GGPS1: variants seen among roughly 807,000 people sequenced by gnomAD.
GGPS1 encodes geranylgeranyl pyrophosphate synthase.
Under a neutral mutation model 28.1 loss-of-function variants are expected in GGPS1, and 15 were observed. The observed-to-expected ratio is 0.53, with a 90% CI of 0.36 to 0.82. The LOEUF (loss-of-function observed/expected upper bound fraction) is 0.82, where lower values mean the gene tolerates loss of function less well. GGPS1 is among the 40% of genes least tolerant of loss of function. The probability of loss-of-function intolerance (pLI) is 0.01; values close to 1 mark genes in which losing one functional copy is unlikely to be tolerated. For missense variants in GGPS1, 284 were observed against 348.3 expected (o/e 0.82, Z 1.47); for synonymous variants, 138 against 122.4 (o/e 1.13, Z -0.84).
Position 235,342,462 on chromosome 1 carries a change from A to T in GGPS1, c.593A>T (p.Tyr198Phe). Residue 198 changes from tyrosine (Y) to phenylalanine (F), a missense_variant, in exon 4 of 4, where the codon TAT becomes TTT. Transcript: ENST00000282841. ...DDYANLHSKE[Y>F]SENKSFCEDL... is the part of the protein sequence containing the mutation. ...TATGCTAATCTACACTCCAAAGAAT[A>T]TAGTGAAAACAAAAGTTTTTGTGAA... is the stretch of plus-strand genomic sequence containing the variant. The T allele has an allele frequency of 6.2e-7, 1 of 1,612,860 alleles. No individual in the cohort carries two copies. Among genetic ancestry groups the T allele is most frequent in the South Asian group, 1.1e-5 (1 of 91,044 alleles).
At chr1:235,341,034 T>C (rs1298693243) in intron 2 of GGPS1, among the ~76,000 whole-genome samples, 1 of 152,068 alleles carries the variant, frequency 6.6e-6, no homozygotes, top group African/African-American at 2.4e-5. Context: ...TAACTGACAC[T>C]AAACTAGCTT....
intron 2 of GGPS1, among the ~76,000 whole-genome samples, chr1:235,336,010 T>G (rs1675852667): frequency 6.6e-6 from 1 of 152,252 alleles, no homozygotes; most frequent in African/African-American, 2.4e-5. Context: ...TATAGCCCAC[T>G]TTATTCCTGT....
In GGPS1 at chr1:235,342,596, A is replaced by G. The variant is rs147435439; in HGVS notation, c.727A>G (p.Ile243Val). The G allele has an allele frequency of 1.9e-5, 31 of 1,611,384 alleles. No individual in the cohort carries two copies. In the Admixed American group the frequency reaches 2.2e-4, roughly 11 times the overall value. ...ILRQRTENIDIKKYCVHYLED... is the reference protein window; with the variant it reads ...ILRQRTENIDVKKYCVHYLED... ...GCGCCAGAGAACAGAAAACATAGAT[A>G]TAAAAAAATACTGTGTACATTATCT... The change falls in exon 4 of 4, where the codon ATA (isoleucine) becomes GTA (valine). Residue 243 changes from isoleucine to valine, a missense_variant. Physicochemically the swap from Ile to Val is conservative, Grantham distance 29 (BLOSUM62 3). Transcript: ENST00000282841.
chr1:235,341,907 ATTAG>A (rs1178238940), intron 3 of GGPS1, 100 bp from the exon 4 acceptor site: 1 of 878,352 alleles, frequency 1.1e-6, no homozygotes, highest in Non-Finnish European at 1.8e-6. Flanking sequence ...CTAAATATTT[ATTAG>A]TTGTGAAAAT....
upstream of GGPS1, chr1:235,327,390 G>C (rs942716643): frequency 4.6e-5 from 7 of 152,330 alleles, no homozygotes; most frequent in African/African-American, 1.7e-4. Flanking sequence ...AGGGCCTGTG[G>C]GCCGCGGGCA....
intron 2 of GGPS1, among the ~76,000 whole-genome samples, chr1:235,338,073 C>T (rs913413088): frequency 5.3e-5 from 8 of 151,974 alleles, no homozygotes; most frequent in African/African-American, 1.9e-4. Context: ...TGATTAGCCT[C>T]AGTACTAGAA....
chr1:235,332,048 T>A (rs1236856023), intron 1 of GGPS1, among the ~76,000 whole-genome samples: 1 of 152,196 alleles, frequency 6.6e-6, no homozygotes, highest in Non-Finnish European at 1.5e-5. Flanking sequence ...TAATTAGATT[T>A]TGGTTTGGAG....
intron 2 of GGPS1, among the ~76,000 whole-genome samples, chr1:235,337,812 G>A: frequency 6.8e-6 from 1 of 146,698 alleles, no homozygotes. Context: ...GTGAGACACT[G>A]TCTCAAAAAA....
Position 235,342,781 on chromosome 1 carries a change from C to A in GGPS1, c.*9C>A. ...AAGAAGAAAATGAATAATGTTAAGCCATTCTTGATTGGACCTCATAGCTTA... is the reference window on the plus strand; with the variant it reads ...AAGAAGAAAATGAATAATGTTAAGCAATTCTTGATTGGACCTCATAGCTTA... On this transcript the variant is annotated 3_prime_UTR_variant, in exon 4 of 4. Transcript: ENST00000282841. 6.5e-7 allele frequency: 1 copy of A among 1,534,920 alleles called. No homozygotes were observed. The highest frequency in any genetic ancestry group is 8.8e-7 in the Non-Finnish European group (1 of 1,134,612).
chr1:235,342,361 G>T lies in GGPS1; in HGVS notation c.492G>T (p.Gln164His), dbSNP rs1676075351. 1.9e-6 allele frequency: 3 copies of T among 1,614,070 alleles called. No homozygotes were observed. The highest frequency in any genetic ancestry group is 2.5e-6 in the Non-Finnish European group (3 of 1,179,898). ...TTGGATTAGCAGTAGGTCTCATGCAGTTGTTCTCTGATTACAAAGAAGATT... is the reference window on the plus strand; with the variant it reads ...TTGGATTAGCAGTAGGTCTCATGCATTTGTTCTCTGATTACAAAGAAGATT... ...GLFGLAVGLM[Q>H]LFSDYKEDLK... Residue 164 changes from glutamine to histidine, a missense_variant, in exon 4 of 4, where the codon CAG becomes CAT. Physicochemically the swap from Gln to His is conservative, Grantham distance 24. Transcript: ENST00000282841.
Position 235,342,744 on chromosome 1 carries a change from G to A in GGPS1, c.875G>A (p.Ser292Asn). 1.3e-6 allele frequency: 2 copies of A among 1,588,116 alleles called. No individual in the cohort carries two copies. Among genetic ancestry groups the A allele is most frequent in the Non-Finnish European group, 1.7e-6 (2 of 1,169,566 alleles). The change falls in exon 4 of 4, where the codon AGT becomes AAT. Residue 292 changes from serine (S) to asparagine (N), a missense_variant. By Grantham distance (46) the Ser-to-Asn change is conservative. Transcript: ENST00000282841. The part of the protein sequence containing the change: ...PELVALVKHL[S>N]KMFKEENE ...CTAGTAGCCTTAGTAAAACACTTAA[G>A]TAAGATGTTCAAAGAAGAAAATGAA...
intron 2 of GGPS1, 75 bp downstream of exon 2, chr1:235,335,409 AG>A: frequency 1.4e-6 from 1 of 695,718 alleles, no homozygotes; most frequent in Non-Finnish European, 2.5e-6. Context: ...CAAATAGAAA[AG>A]GTTAGACTTG....
At chr1:235,338,567 A>G (rs942818000) in intron 2 of GGPS1, among the ~76,000 whole-genome samples, 7 of 152,128 alleles carry the variant, frequency 4.6e-5, no homozygotes, top group Admixed American at 1.3e-4. Flanking sequence ...TTCATCTTCA[A>G]AAAAATGTGT....
chr1:235,330,389 G>GC (rs1462766779), intron 1 of GGPS1: 1 of 152,284 alleles, frequency 6.6e-6, no homozygotes, highest in Non-Finnish European at 1.5e-5. Flanking sequence ...GGAGGCTGAG[G>GC]CAGGAGAATG....
Position 235,342,431 on chromosome 1 carries a change from G to T in GGPS1, c.562G>T (p.Asp188Tyr). ...ACTTGGGCTCTTTTTCCAAATTAGG[G>T]ATGATTATGCTAATCTACACTCCAA... ...NTLGLFFQIR[D>Y]DYANLHSKEY... Residue 188 changes from aspartate to tyrosine, a missense_variant, in exon 4 of 4, where the codon GAT becomes TAT. Transcript: ENST00000282841. 6.2e-7 allele frequency: 1 copy of T among 1,613,054 alleles called. No homozygotes were observed. Among genetic ancestry groups the T allele is most frequent in the Non-Finnish European group, 8.5e-7 (1 of 1,179,134 alleles).
chr1:235,338,812 G>A (rs551084221), intron 2 of GGPS1, among the ~76,000 whole-genome samples: 3 of 152,256 alleles, frequency 2.0e-5, no homozygotes, highest in Middle Eastern at 3.4e-3. Context: ...GCTGCAGTAG[G>A]CCGTGATTGT....
chr1:235,329,283 T>C (rs1675601613), intron 1 of GGPS1: 1 of 152,266 alleles, frequency 6.6e-6, no homozygotes, highest in African/African-American at 2.4e-5. Flanking sequence ...CCTGGTTTCA[T>C]CGTCTAACGC....
intron 1 of GGPS1, 99 bp from the exon 2 acceptor site, chr1:235,335,143 G>A: frequency 3.3e-6 from 2 of 608,040 alleles, no homozygotes; most frequent in Non-Finnish European, 5.8e-6. Flanking sequence ...ACCAGACTAG[G>A]TGTCTTTTCA....
rs142694951 is a variant in GGPS1, at chr1:235,337,633, A to C, written c.70+2299A>C. 1.2e-3 allele frequency among the ~76,000 whole-genome samples: 189 copies of C among 152,244 alleles called. 1 individual carries two copies. Among genetic ancestry groups the C allele is most frequent in the African/African-American group, 4.5e-3 (185 of 41,546 alleles). Reference sequence around the variant, plus strand: ...AATGCTATCAGTATTTTCTGAAGTCAACCTGGCCAACATGGTGAAACCCTG... The same window carrying C: ...AATGCTATCAGTATTTTCTGAAGTCCACCTGGCCAACATGGTGAAACCCTG... On this transcript the variant is annotated intron_variant, in intron 2 of 3. Coordinates refer to ENST00000282841, the MANE Select transcript of GGPS1 (RefSeq NM_004837.4).
Sources: gnomAD v4.1 joint callset for allele counts (sites outside exome capture counted in the v4.1 genomes callset) on GRCh38, gnomAD v4.1.1 for gene constraint, MANE v1.5 for transcripts, NCBI Gene and HGNC (gene_info 2026-07-23, HGNC 2026-07-21) for gene names.